Variants in WDR64 observed in about 807,000 individuals in gnomAD.
WDR64 encodes the protein WD repeat-containing protein 64.
In WDR64, 112 loss-of-function variants were observed where a neutral mutation model predicts 139.3. That is an observed-to-expected ratio of 0.80 (90% CI 0.69 to 0.94). The LOEUF (loss-of-function observed/expected upper bound fraction) is 0.94, where lower values mean the gene tolerates loss of function less well. Ranked by LOEUF, WDR64 falls within the 40% of genes least tolerant of loss-of-function variation. The probability of loss-of-function intolerance (pLI) is 0.00; values close to 1 mark genes in which losing one functional copy is unlikely to be tolerated. For missense variants in WDR64, 1,206 were observed against 1,293.1 expected (o/e 0.93, Z 1.03); for synonymous variants, 444 against 437.7 (o/e 1.01, Z -0.18).
intron 14 of WDR64, among the ~76,000 whole-genome samples, chr1:241,751,969 T>C (rs1315556988): frequency 6.6e-6 from 1 of 152,146 alleles, no homozygotes; most frequent in Non-Finnish European, 1.5e-5. Flanking sequence ...GGTGAGAGAT[T>C]ACTGTTCTAA....
intron 15 of WDR64, among the ~76,000 whole-genome samples, chr1:241,763,132 A>T (rs1406071106): frequency 6.6e-6 from 1 of 152,182 alleles, no homozygotes; most frequent in Non-Finnish European, 1.5e-5. Flanking sequence ...TGATATATGA[A>T]ATCTTATTTA....
chr1:241,797,338 C>T (rs865888583), intron 27 of WDR64, among the ~76,000 whole-genome samples: 1 of 152,178 alleles, frequency 6.6e-6, no homozygotes, highest in Non-Finnish European at 1.5e-5. Context: ...ACTATATAAC[C>T]TATCACTCTC....
intron 10 of WDR64, among the ~76,000 whole-genome samples, chr1:241,728,073 C>T (rs1233879753): frequency 6.6e-6 from 1 of 152,030 alleles, no homozygotes; most frequent in Admixed American, 6.6e-5. Flanking sequence ...CAGTTCATGC[C>T]TGTAATCCCA....
intron 27 of WDR64, among the ~76,000 whole-genome samples, chr1:241,799,888 T>C (rs980277283): frequency 6.6e-6 from 1 of 152,194 alleles, no homozygotes; most frequent in Non-Finnish European, 1.5e-5. Context: ...TTGTATCATA[T>C]AAAAATCCAT....
chr1:241,706,545 T>C (rs1486792253), intron 8 of WDR64, among the ~76,000 whole-genome samples: 2 of 152,232 alleles, frequency 1.3e-5, no homozygotes, highest in African/African-American at 4.8e-5. Flanking sequence ...TTCAAAAGCC[T>C]AAATACTGAC....
intron 2 of WDR64, 139 bp from the exon 3 acceptor site, chr1:241,670,935 G>C: frequency 1.7e-6 from 1 of 584,496 alleles, no homozygotes; most frequent in Non-Finnish European, 2.9e-6. Flanking sequence ...TCCTGGTATA[G>C]GGAACCCCCT....
intron 10 of WDR64, among the ~76,000 whole-genome samples, chr1:241,734,347 G>A (rs1669211264): frequency 1.3e-5 from 2 of 152,086 alleles, no homozygotes; most frequent in East Asian, 1.9e-4. Context: ...GTGAGGCTAT[G>A]TCATGGGCGT....
chr1:241,741,027 T>C (rs1201871025), intron 11 of WDR64, among the ~76,000 whole-genome samples: 1 of 152,242 alleles, frequency 6.6e-6, no homozygotes, highest in Admixed American at 6.5e-5. Flanking sequence ...TCATTCTCAT[T>C]TGTTACATTT....
At chr1:241,658,313 G>GTGTGTGTA (rs1491512365) in intron 1 of WDR64, among the ~76,000 whole-genome samples, 35 of 151,608 alleles carry the variant, frequency 2.3e-4, no homozygotes, top group African/African-American at 7.0e-4. Flanking sequence ...GTGTGTGTGT[G>GTGTGTGTA]TATGTGTTTA....
intron 8 of WDR64, among the ~76,000 whole-genome samples, chr1:241,696,797 T>C (rs1297104880): frequency 2.0e-5 from 3 of 152,138 alleles, no homozygotes; most frequent in South Asian, 4.2e-4. Flanking sequence ...GCAACCTGTT[T>C]TATGAGCAAG....
At chr1:241,791,289 A>C (rs565274229) in intron 25 of WDR64, among the ~76,000 whole-genome samples, 1 of 152,256 alleles carries the variant, frequency 6.6e-6, no homozygotes, top group African/African-American at 2.4e-5. Context: ...CCCTCTCAAA[A>C]AAAACAAACA....
intron 25 of WDR64, among the ~76,000 whole-genome samples, 157 bp from the exon 26 acceptor site, chr1:241,795,050 C>T (rs964610835): frequency 6.6e-6 from 1 of 152,070 alleles, no homozygotes; most frequent in Non-Finnish European, 1.5e-5. Context: ...TAGCACCTTG[C>T]TATACATATT....
At chr1:241,708,388 C>T (rs562874886) in intron 8 of WDR64, among the ~76,000 whole-genome samples, 1 of 152,310 alleles carries the variant, frequency 6.6e-6, no homozygotes, top group South Asian at 2.1e-4. Flanking sequence ...ACAATTTCAG[C>T]TCACTGGAAC....
intron 2 of WDR64, 103 bp downstream of exon 2, chr1:241,660,763 A>T: frequency 1.6e-6 from 2 of 1,284,336 alleles, no homozygotes; most frequent in Middle Eastern, 1.9e-4. Flanking sequence ...GTTGAACCAC[A>T]ACGTGCATGT....
rs140058556 is a variant in WDR64, at chr1:241,692,749, T to C, written c.974+5154T>C. ...TATAATAAGTAAACCAACAACCCAA[T>C]TGAAAAATAAACAAAAGATCTGAAT... On this transcript the variant is annotated intron_variant, in intron 8 of 27. Transcript: ENST00000437684. Among the ~76,000 whole-genome samples, 18 of 151,984 alleles carry C rather than the reference T, an allele frequency of 1.2e-4. No individual in the cohort carries two copies. In the East Asian group the frequency reaches 3.1e-3, roughly 26 times the overall value.
At chr1:241,669,255 T>G (rs1244345403) in intron 2 of WDR64, among the ~76,000 whole-genome samples, 1 of 152,234 alleles carries the variant, frequency 6.6e-6, no homozygotes, top group African/African-American at 2.4e-5. Flanking sequence ...ACCCTGACCC[T>G]GGACCACCTG....
chr1:241,660,441 T>C (rs1169569828), intron 1 of WDR64, 89 bp from the exon 2 acceptor site: 5 of 1,443,866 alleles, frequency 3.5e-6, no homozygotes, highest in African/African-American at 2.9e-5. Flanking sequence ...GAAAAGAAAA[T>C]ACAAGGTGAG....
At chr1:241,706,259 C>G (rs1667949868) in intron 8 of WDR64, among the ~76,000 whole-genome samples, 1 of 152,256 alleles carries the variant, frequency 6.6e-6, no homozygotes, top group Non-Finnish European at 1.5e-5. Flanking sequence ...TGCATTCACA[C>G]TGATACTGTC....
At chr1:241,693,791 G>T (rs1365669153) in intron 8 of WDR64, among the ~76,000 whole-genome samples, 4 of 152,146 alleles carry the variant, frequency 2.6e-5, no homozygotes, top group Non-Finnish European at 5.9e-5. Context: ...TTCGGATTTA[G>T]CCTTAAGGAT....
Sources: allele counts gnomAD v4.1 joint callset (sites outside exome capture counted in the v4.1 genomes callset), GRCh38; gene constraint gnomAD v4.1.1; transcripts MANE v1.5; gene names NCBI Gene and HGNC (gene_info 2026-07-23, HGNC 2026-07-21).